The following MAST2 variants were observed in gnomAD, a reference collection of about 807,000 sequenced individuals.
MAST2 encodes microtubule associated serine/threonine kinase 2.
MAST2 carries 70 observed loss-of-function variants against 147.4 expected under a neutral mutation model. The ratio of observed to expected loss-of-function variants is 0.47; its 90% confidence interval spans 0.39 to 0.58. The LOEUF (loss-of-function observed/expected upper bound fraction) is 0.58, where lower values mean the gene tolerates loss of function less well. MAST2 is among the 20% of genes least tolerant of loss of function. The pLI is 0.00. For missense variants in MAST2, 2,080 were observed against 2,302.3 expected (o/e 0.90, Z 1.98); for synonymous variants, 869 against 896.8 (o/e 0.97, Z 0.55).
intron 3 of MAST2, among the ~76,000 whole-genome samples, chr1:45,881,156 G>A (rs1646829880): frequency 2.0e-5 from 3 of 152,010 alleles, no homozygotes; most frequent in Non-Finnish European, 2.9e-5. Flanking sequence ...TTCTACATGC[G>A]CACTAGGAAA....
chr1:45,853,367 G>GT (rs1232245950), intron 3 of MAST2, among the ~76,000 whole-genome samples: 11 of 150,528 alleles, frequency 7.3e-5, no homozygotes, highest in East Asian at 3.9e-4. Flanking sequence ...AATAATTATT[G>GT]TTTTTTTTTG....
chr1:45,906,157 A>C (rs1650687399), intron 4 of MAST2, among the ~76,000 whole-genome samples: 1 of 152,140 alleles, frequency 6.6e-6, no homozygotes, highest in Non-Finnish European at 1.5e-5. Context: ...GAGTTGTACA[A>C]GTTATTTATA....
intron 4 of MAST2, among the ~76,000 whole-genome samples, chr1:45,921,564 C>G (rs1653492432): frequency 6.6e-6 from 1 of 152,206 alleles, no homozygotes; most frequent in Non-Finnish European, 1.5e-5. Context: ...CCAACTGCTG[C>G]AGCAGGGCAG....
intron 5 of MAST2, among the ~76,000 whole-genome samples, chr1:45,996,000 C>G (rs1396391549): frequency 6.6e-6 from 1 of 151,736 alleles, no homozygotes; most frequent in African/African-American, 2.4e-5. Context: ...TTCTTCCTAT[C>G]TTTTTTCTGT....
intron 3 of MAST2, 131 bp downstream of exon 3, chr1:45,829,712 A>G: frequency 1.0e-6 from 1 of 979,650 alleles, no homozygotes; most frequent in Non-Finnish European, 1.5e-6. Flanking sequence ...ATGGAAGAGA[A>G]TGAATTTATT....
intron 3 of MAST2, among the ~76,000 whole-genome samples, chr1:45,875,039 CAAATGATACTGAGGAGGG>C (rs1248562709): frequency 6.6e-6 from 1 of 152,172 alleles, no homozygotes; most frequent in Non-Finnish European, 1.5e-5. Flanking sequence ...GAGAATTATG[CAAATGATACTGAGGAGGG>C]AGGCAGTCAG....
intron 4 of MAST2, among the ~76,000 whole-genome samples, chr1:45,953,501 A>G (rs1446864515): frequency 6.6e-6 from 1 of 152,252 alleles, no homozygotes; most frequent in Admixed American, 6.5e-5. Flanking sequence ...TTTATGTAGT[A>G]TGTTAGAAGA....
At chr1:45,847,567 T>G (rs537392761) in intron 3 of MAST2, 1 of 799,400 alleles carries the variant, frequency 1.3e-6, no homozygotes, top group East Asian at 3.7e-5. Context: ...TGAATGACTT[T>G]TTTTCCCATC....
chr1:45,814,455 G>GTTT (rs1644393761), intron 1 of MAST2, among the ~76,000 whole-genome samples: 4 of 152,132 alleles, frequency 2.6e-5, no homozygotes, highest in Non-Finnish European at 5.9e-5. Flanking sequence ...TAACAAAACA[G>GTTT]TTTAAAAAGT....
At position 46,031,996 on chromosome 1, in the gene MAST2, T is replaced by A. The variant is rs567057173; in HGVS notation, c.3188-182T>A. Among the ~76,000 whole-genome samples, 26 of 152,298 alleles carry A rather than the reference T, an allele frequency of 1.7e-4. No individual in the cohort carries two copies. Among genetic ancestry groups the A allele is most frequent in the Admixed American group, 7.2e-4 (11 of 15,300 alleles). ...CATAAATGCTAGCTGCCATTTCTCA[T>A]CACCACCACCGTCTCTTGGGGTCTG... is the stretch of plus-strand genomic sequence containing the variant. On this transcript the variant is annotated intron_variant, in intron 24 of 28. Transcript: ENST00000361297. The surrounding 1 kb of genome is among the most constrained non-coding windows in gnomAD (Gnocchi z 4.1).
chr1:45,932,732 A>G (rs1655514405), intron 4 of MAST2, among the ~76,000 whole-genome samples: 1 of 152,124 alleles, frequency 6.6e-6, no homozygotes, highest in South Asian at 2.1e-4. Flanking sequence ...TTGATGGGTT[A>G]TATAATCTGT....
chr1:46,028,830 A>T lies in MAST2; in HGVS notation c.2115A>T (p.Pro705=). Residue 705 remains proline, a synonymous_variant, in exon 18 of 29, where the codon CCA becomes CCT. Coordinates refer to ENST00000361297, the MANE Select transcript of MAST2 (RefSeq NM_015112.3). ...EVILRQGYGK[P]VDWWAMGIIL... ...TCCTGCGCCAGGGCTATGGGAAGCCAGTGGACTGGTGGGCCATGGGCATTA... is the reference window on the plus strand; with the variant it reads ...TCCTGCGCCAGGGCTATGGGAAGCCTGTGGACTGGTGGGCCATGGGCATTA... The T allele has an allele frequency of 6.2e-7, 1 of 1,614,152 alleles. No individual in the cohort carries two copies. Among genetic ancestry groups the T allele is most frequent in the Non-Finnish European group, 8.5e-7 (1 of 1,180,018 alleles).
At chr1:45,968,318 A>G (rs6671754) in intron 5 of MAST2, among the ~76,000 whole-genome samples, 51,568 of 151,982 alleles carry the variant, frequency 0.34, 9,129 homozygotes, top group African/African-American at 0.43. Flanking sequence ...TCTCCCCTAT[A>G]TAATTTTCTC....
At chr1:45,967,033 C>T (rs1007482956) in intron 5 of MAST2, among the ~76,000 whole-genome samples, 2 of 151,684 alleles carry the variant, frequency 1.3e-5, no homozygotes, top group African/African-American at 4.8e-5. Context: ...TGGCGGAGCA[C>T]GATGGCTCAC....
intron 3 of MAST2, among the ~76,000 whole-genome samples, chr1:45,867,155 A>G (rs1253041354): frequency 6.6e-6 from 1 of 152,212 alleles, no homozygotes; most frequent in Non-Finnish European, 1.5e-5. Flanking sequence ...AGTTTAGATT[A>G]TTTGTTTTAA....
intron 4 of MAST2, 100 bp from the exon 5 acceptor site, chr1:45,959,286 C>T (rs1194928333): frequency 2.5e-6 from 2 of 805,920 alleles, no homozygotes; most frequent in East Asian, 2.5e-5. Context: ...TACTGTGCGG[C>T]CCGTGGAATG....
At chr1:45,942,957 A>G (rs1218928596) in intron 4 of MAST2, among the ~76,000 whole-genome samples, 1 of 152,208 alleles carries the variant, frequency 6.6e-6, no homozygotes, top group East Asian at 1.9e-4. Flanking sequence ...CCCCTTTAGA[A>G]GAATAATACA....
intron 3 of MAST2, among the ~76,000 whole-genome samples, chr1:45,874,756 AAC>A (rs1446253786): frequency 6.6e-6 from 1 of 152,208 alleles, no homozygotes; most frequent in Non-Finnish European, 1.5e-5. Flanking sequence ...TCCTGGAGCT[AAC>A]AGTCAAAGAA....
At chr1:46,005,075 C>CA (rs1460203337) in intron 7 of MAST2, among the ~76,000 whole-genome samples, 1 of 152,108 alleles carries the variant, frequency 6.6e-6, no homozygotes, top group Non-Finnish European at 1.5e-5. Flanking sequence ...TCTAAAAAAA[C>CA]AAACAGGCTG....
Sources: gnomAD v4.1 joint callset for allele counts (sites outside exome capture counted in the v4.1 genomes callset) on GRCh38, gnomAD v4.1.1 for gene constraint, Gnocchi (gnomAD v3.1) non-coding constraint, MANE v1.5 for transcripts, NCBI Gene and HGNC (gene_info 2026-07-23, HGNC 2026-07-21) for gene names.